The following POLN variants were observed in gnomAD, a reference collection of about 807,000 sequenced individuals.
POLN encodes the protein DNA polymerase N.
Under a neutral mutation model 113.5 loss-of-function variants are expected in POLN, and 108 were observed. The ratio of observed to expected loss-of-function variants is 0.95; its 90% CI spans 0.81 to 1.12. POLN has a LOEUF of 1.12. Ranked by LOEUF, POLN falls within the 50% of genes most tolerant of loss-of-function variation. The pLI, the probability that POLN is intolerant of heterozygous loss-of-function variation, is 0.00. For synonymous variants in POLN, 386 were observed against 391.5 expected (o/e 0.99, Z 0.17); for missense variants, 1,097 against 1,077.1 (o/e 1.02, Z -0.26).
intron 4 of POLN, among the ~76,000 whole-genome samples, chr4:2,210,905 A>T (rs903673002): frequency 4.7e-5 from 7 of 147,882 alleles, no homozygotes; most frequent in African/African-American, 1.7e-4. Flanking sequence ...TTGGTGACAG[A>T]GACTCCATCT....
In POLN at chr4:2,100,595, G is replaced by C. The variant is rs558602800; in HGVS notation, c.1983-4662C>G. On this transcript the variant is annotated intron_variant, in intron 19 of 25. Coordinates refer to ENST00000511885, the MANE Select transcript of POLN (RefSeq NM_181808.4). Reference sequence around the variant, plus strand: ...TTTCAATTAAGGTATCGGGAGGACTGGGGGGTGAATACTTAAGAAAGCAAT... The same window carrying C: ...TTTCAATTAAGGTATCGGGAGGACTCGGGGGTGAATACTTAAGAAAGCAAT... 2.6e-5 allele frequency among the ~76,000 whole-genome samples: 4 copies of C among 152,276 alleles called. No individual in the cohort carries two copies. The South Asian group carries it at 8.3e-4, about 32-fold the overall frequency.
intron 17 of POLN, among the ~76,000 whole-genome samples, chr4:2,130,794 G>A (rs1456902059): frequency 6.6e-6 from 1 of 152,184 alleles, no homozygotes; most frequent in Non-Finnish European, 1.5e-5. Context: ...TTCTTTCAAT[G>A]TATGTTTAAA....
In POLN at chr4:2,193,226, G is replaced by A. The variant is rs10002583; in HGVS notation, c.999C>T (p.Gly333=). 220,798 of 1,594,528 alleles carry A rather than the reference G, an allele frequency of 0.14. 25,240 individuals are homozygous for A. The highest frequency in any genetic ancestry group is 0.55 in the African/African-American group (40,387 of 73,224). ...TACCATGCTTCCAACTGCCATCATT[G>A]CCAAAAAACTGCAGCACTATTCTCA... ...DFVRIVLQFF[G]NDGSWKHVAD... The change falls in exon 7 of 26, where the codon GGC becomes GGT. Residue 333 remains glycine, a synonymous_variant. Transcript: ENST00000511885.
At chr4:2,080,824 G>A in intron 23 of POLN, 134 bp downstream of exon 23, 6 of 1,554,176 alleles carry the variant, frequency 3.9e-6, no homozygotes, top group Non-Finnish European at 5.2e-6. Context: ...GCCTTCCATG[G>A]GCTGAGAGCC....
At position 2,127,549 on chromosome 4, in the gene POLN, C is replaced by G. The variant is rs542087379; in HGVS notation, c.1982+564G>C. Among the ~76,000 whole-genome samples the G allele has an allele frequency of 1.3e-5, 2 of 152,036 alleles. No individual in the cohort carries two copies. The highest frequency in any genetic ancestry group is 4.8e-5 in the African/African-American group (2 of 41,398). On this transcript the variant is annotated intron_variant, in intron 19 of 25. Transcript: ENST00000511885. The surrounding 1 kb of genome is among the most constrained non-coding windows in gnomAD (Gnocchi z 4.7). ...CGTCTCTCCATCCTGCTTTGGAGAC[C>G]GGAGCAGGTATTCCACCAGGAGGAA...
At chr4:2,151,078 G>A (rs889157417) in intron 16 of POLN, among the ~76,000 whole-genome samples, 2 of 152,158 alleles carry the variant, frequency 1.3e-5, no homozygotes, top group Non-Finnish European at 2.9e-5. Context: ...CCTGCTAAAG[G>A]ACTTGTATCT....
At chr4:2,188,224 C>A (rs1733329041) in intron 7 of POLN, among the ~76,000 whole-genome samples, 1 of 152,090 alleles carries the variant, frequency 6.6e-6, no homozygotes, top group South Asian at 2.1e-4. Flanking sequence ...GAGATAAAGC[C>A]CCAGACAAAC....
intron 2 of POLN, chr4:2,240,690 G>A (rs762728371): frequency 1.9e-6 from 3 of 1,613,966 alleles, no homozygotes; most frequent in East Asian, 4.5e-5. Flanking sequence ...CAAATCAGAA[G>A]TTTTACACGT....
chr4:2,095,952 T>C lies in POLN; in HGVS notation c.1983-19A>G, dbSNP rs1435144907. ...ATCCTTCCTGCATGGAGAGACCATG[T>C]GTGAAGTTCAGGCACAGAAGGCACT... On this transcript the variant is annotated intron_variant, in intron 19 of 25. Coordinates refer to ENST00000511885, the MANE Select transcript of POLN (RefSeq NM_181808.4). 1.2e-6 allele frequency: 2 copies of C among 1,612,008 alleles called. No homozygotes were observed. Among genetic ancestry groups the C allele is most frequent in the African/African-American group, 1.3e-5 (1 of 74,866 alleles).
intron 14 of POLN, among the ~76,000 whole-genome samples, chr4:2,158,332 C>T (rs962040591): frequency 5.9e-5 from 9 of 152,066 alleles, no homozygotes; most frequent in Admixed American, 1.3e-4. Flanking sequence ...TAGATGACTC[C>T]GAGAGGCCCT....
chr4:2,240,736 T>C lies in POLN; in HGVS notation c.-13+784A>G, dbSNP rs994629024. 21 of 1,614,058 alleles carry C rather than the reference T, an allele frequency of 1.3e-5. No individual in the cohort carries two copies. The highest frequency in any genetic ancestry group is 3.3e-5 in the Admixed American group (2 of 59,996). ...TCATCCAATGCCGCCCCTTCTAGAA[T>C]AGGCTTGCCTGATTTCTGAAGAATG... On this transcript the variant is annotated intron_variant, in intron 2 of 25. Transcript: ENST00000511885.
Position 2,187,840 on chromosome 4 carries a change from G to A in POLN, c.1021+5364C>T, listed in dbSNP as rs114614038. On this transcript the variant is annotated intron_variant, in intron 7 of 25. Transcript: ENST00000511885. ...AAAGAAAAGACAACTGCCAGGCTTG[G>A]TGGCTGACACCTGTAATCCCAACAC... Among the ~76,000 whole-genome samples the A allele has an allele frequency of 1.8e-3, 278 of 152,266 alleles. 3 individuals are homozygous for A. Among genetic ancestry groups the A allele is most frequent in the African/African-American group, 6.4e-3 (264 of 41,540 alleles).
chr4:2,175,349 G>C lies in POLN; in HGVS notation c.1249-598C>G, dbSNP rs551174868. Among the ~76,000 whole-genome samples, 4 of 152,222 alleles carry C rather than the reference G, an allele frequency of 2.6e-5. No individual in the cohort carries two copies. In the East Asian group the frequency reaches 7.7e-4, roughly 29 times the overall value. Reference sequence around the variant, plus strand: ...AAAGAAATAAAAAGAAATTCTGATAGGCCAAGCCCCATCCTCAATTTTCTT... The same window carrying C: ...AAAGAAATAAAAAGAAATTCTGATACGCCAAGCCCCATCCTCAATTTTCTT... On this transcript the variant is annotated intron_variant, in intron 9 of 25. Coordinates refer to ENST00000511885, the MANE Select transcript of POLN (RefSeq NM_181808.4).
At chr4:2,135,772 C>T (rs1461466624) in intron 16 of POLN, among the ~76,000 whole-genome samples, 1 of 152,182 alleles carries the variant, frequency 6.6e-6, no homozygotes, top group South Asian at 2.1e-4. Flanking sequence ...GGCTATCACA[C>T]GCCCATGAGA....
chr4:2,229,185 G>T lies in POLN; in HGVS notation c.47C>A (p.Pro16Gln). The part of the protein sequence containing the change: ...ALVGFDLCNT[P>Q]LSSVAQKIMS... ...AATCTTCTGAGCAACACTGGAGAGC[G>T]GTGTATTACAGAGATCAAAGCCTAC... The change falls in exon 3 of 26, where the codon CCG (proline) becomes CAG (glutamine). Residue 16 changes from proline to glutamine, a missense_variant. Pro to Gln is a moderately conservative substitution (Grantham distance 76). Coordinates refer to ENST00000511885, the MANE Select transcript of POLN (RefSeq NM_181808.4). The T allele has an allele frequency of 6.2e-7, 1 of 1,610,132 alleles. No homozygotes were observed. The highest frequency in any genetic ancestry group is 8.5e-7 in the Non-Finnish European group (1 of 1,176,766).
intron 19 of POLN, among the ~76,000 whole-genome samples, chr4:2,122,150 G>T (rs2108719412): frequency 6.6e-6 from 1 of 152,192 alleles, no homozygotes; most frequent in Middle Eastern, 3.4e-3. Flanking sequence ...TTCTAAGGTA[G>T]GAAATCCAGG....
chr4:2,208,303 C>G lies in POLN; in HGVS notation c.398G>C (p.Gly133Ala), dbSNP rs745465713. 1 of 1,603,648 alleles carries G rather than the reference C, an allele frequency of 6.2e-7. No homozygotes were observed. The highest frequency in any genetic ancestry group is 1.7e-5 in the Admixed American group (1 of 58,686). Residue 133 changes from glycine (G) to alanine (A), a missense_variant, in exon 5 of 26, where the codon GGG becomes GCG. Coordinates refer to ENST00000511885, the MANE Select transcript of POLN (RefSeq NM_181808.4). ...CATTAGGAAATGCTTTCTTTTATGC[C>G]CCTTTTTCTGTAGAACTGAAGCCTC... is the stretch of plus-strand genomic sequence containing the variant. The part of the protein sequence containing the change: ...NQEASVLQKK[G>A]HKRKHFLMEN...
chr4:2,164,400 C>G (rs542471695), intron 13 of POLN, among the ~76,000 whole-genome samples: 8 of 150,858 alleles, frequency 5.3e-5, no homozygotes, highest in African/African-American at 2.0e-4. Flanking sequence ...ACTAAGGAGG[C>G]TGAGGCAGGA....
chr4:2,196,873 C>T (rs535804828), intron 6 of POLN, among the ~76,000 whole-genome samples: 9 of 152,242 alleles, frequency 5.9e-5, no homozygotes, highest in Admixed American at 1.3e-4. Flanking sequence ...AGGCAGTAAA[C>T]CATGCAGCTA....
Sources: allele counts gnomAD v4.1 joint callset (sites outside exome capture counted in the v4.1 genomes callset), GRCh38; gene constraint gnomAD v4.1.1; non-coding constraint Gnocchi (gnomAD v3.1); transcripts MANE v1.5; gene names NCBI Gene and HGNC (gene_info 2026-07-23, HGNC 2026-07-21).